The following CASK variants were observed in gnomAD, a reference collection of about 807,000 sequenced individuals.
CASK encodes calcium/calmodulin dependent serine protein kinase.
Under a neutral mutation model 82.9 loss-of-function variants are expected in CASK, and 4 were observed. The observed-to-expected ratio is 0.05, with a 90% CI of 0.02 to 0.11. The LOEUF is 0.11. CASK is among the 10% of genes least tolerant of loss of function. The pLI, the probability that CASK is intolerant of heterozygous loss-of-function variation, is 1.00. For synonymous variants in CASK, 259 were observed against 253.5 expected (o/e 1.02, Z -0.20); for missense variants, 358 against 720.9 (o/e 0.50, Z 5.76).
rs780614037 is a variant in CASK at position 41,850,210 on chromosome X, G to A, written c.172+2905C>T. On this transcript the variant is annotated intron_variant, in intron 2 of 26. Transcript: ENST00000378163. Reference sequence around the variant, plus strand: ...AATTAATTTGTAAATGATTTACTTCGAATTTATTACACATTGTTTTCCTAA... The same window carrying A: ...AATTAATTTGTAAATGATTTACTTCAAATTTATTACACATTGTTTTCCTAA... Among the ~76,000 whole-genome samples, 18 of 111,885 alleles carry A rather than the reference G, an allele frequency of 1.6e-4. No homozygotes were observed. In the South Asian group the frequency reaches 1.9e-3, roughly 12 times the overall value.
chrX:41,747,331 C>T (rs2068703476), intron 3 of CASK, among the ~76,000 whole-genome samples: 4 of 111,428 alleles, frequency 3.6e-5, no homozygotes, highest in Admixed American at 1.9e-4. Context: ...CATTTTCCAC[C>T]ATCAGAAATA....
chrX:41,907,761 A>G (rs1403212850), intron 1 of CASK, among the ~76,000 whole-genome samples: 3 of 111,366 alleles, frequency 2.7e-5, no homozygotes, highest in Non-Finnish European at 5.7e-5. Flanking sequence ...AGTGGTACCT[A>G]ACCTTTTTGG....
intron 15 of CASK, among the ~76,000 whole-genome samples, chrX:41,574,070 G>T (rs1192712360): frequency 9.0e-6 from 1 of 111,045 alleles, no homozygotes; most frequent in Non-Finnish European, 1.9e-5. Context: ...GTTTCTCAGT[G>T]TTGGGGAATT....
At chrX:41,689,626 T>G (rs1298115577) in intron 5 of CASK, 1 of 111,835 alleles carries the variant, frequency 8.9e-6, no homozygotes, top group East Asian at 2.8e-4. Flanking sequence ...TTAGTTCAAA[T>G]AATAATTTTT....
Position 41,603,461 on chromosome X carries a change from T to TA in CASK, c.1155+6442dup, listed in dbSNP as rs768084163. Among the ~76,000 whole-genome samples the TA allele has an allele frequency of 3.7e-3, 415 of 111,974 alleles. 2 individuals carry two copies. The highest frequency in any genetic ancestry group is 0.013 in the African/African-American group (402 of 30,896). The stretch of plus-strand genomic sequence containing the variant: ...AAAAATGCTAACTCTCCCTAAACGG[T>TA]AAAAAATTATAATAAAGATGTTGGC... On this transcript the variant is annotated intron_variant, in intron 12 of 26. Transcript: ENST00000378163.
chrX:41,880,655 A>T (rs2071934092), intron 1 of CASK, among the ~76,000 whole-genome samples: 1 of 111,954 alleles, frequency 8.9e-6, no homozygotes, highest in Non-Finnish European at 1.9e-5. Flanking sequence ...ATGTATTTCT[A>T]CAACACTCAA....
At chrX:41,827,562 C>T (rs754432600) in intron 2 of CASK, among the ~76,000 whole-genome samples, 38 of 112,114 alleles carry the variant, frequency 3.4e-4, no homozygotes, top group African/African-American at 1.2e-3. Context: ...AATACCATCA[C>T]CTCGACAATT....
chrX:41,830,778 C>A (rs1288190943), intron 2 of CASK, among the ~76,000 whole-genome samples: 1 of 100,433 alleles, frequency 1.0e-5, no homozygotes, highest in African/African-American at 3.7e-5. Context: ...CGAGATCGCG[C>A]CACTGCACTC....
chrX:41,923,310 C>G lies in CASK; in HGVS notation c.-322G>C, dbSNP rs1245057068. 1 of 108,305 alleles carries G rather than the reference C, an allele frequency of 9.2e-6. No homozygotes were observed. The highest frequency in any genetic ancestry group is 1.9e-5 in the Non-Finnish European group (1 of 51,558). The allele number at this position is 108,305 out of a possible 1,213,427, so 8.9% of individuals were successfully genotyped here. On this transcript the variant is annotated 5_prime_UTR_variant, in exon 1 of 27. Coordinates refer to ENST00000378163, the MANE Select transcript of CASK (RefSeq NM_001367721.1). ...GATCCTCGGGGACCGCGCGGCGTCG[C>G]GCTCTCCGCTCGTCAGCCCGCGCGG...
intron 3 of CASK, among the ~76,000 whole-genome samples, chrX:41,758,435 CAAAAAAAA>C (rs746659684): frequency 6.9e-5 from 3 of 43,510 alleles, no homozygotes; most frequent in African/African-American, 3.0e-4. Context: ...GACTTCATCT[CAAAAAAAA>C]AAAAAAAAAG....
chrX:41,683,970 A>G (rs775163090), intron 5 of CASK, among the ~76,000 whole-genome samples: 2 of 112,210 alleles, frequency 1.8e-5, no homozygotes, highest in Non-Finnish European at 3.8e-5. Context: ...TACTGGGTAA[A>G]GAATCCATGA....
chrX:41,668,177 C>T (rs1415140247), intron 6 of CASK, among the ~76,000 whole-genome samples: 2 of 111,249 alleles, frequency 1.8e-5, no homozygotes, highest in Non-Finnish European at 3.8e-5. Flanking sequence ...GATGTAAGTC[C>T]CTGCATCCAA....
chrX:41,710,286 T>C (rs2067951992), intron 5 of CASK, among the ~76,000 whole-genome samples: 1 of 111,511 alleles, frequency 9.0e-6, no homozygotes, highest in South Asian at 3.7e-4. Context: ...CAAGTTTGAC[T>C]GATTTGAAGA....
rs185615860 is a variant in CASK, at chrX:41,892,183, A to G, written c.59+30747T>C. 2.1e-3 allele frequency among the ~76,000 whole-genome samples: 229 copies of G among 107,698 alleles called. 1 individual carries two copies. Among genetic ancestry groups the G allele is most frequent in the African/African-American group, 7.4e-3 (219 of 29,464 alleles). 93.5% of individuals were successfully genotyped at this position (107,698 alleles called of 115,157 possible). A position where few individuals can be genotyped will look rare whatever the true frequency, so the allele number is the denominator to read the frequency against. On this transcript the variant is annotated intron_variant, in intron 1 of 26. Coordinates refer to ENST00000378163, the MANE Select transcript of CASK (RefSeq NM_001367721.1). Reference sequence around the variant, plus strand: ...ACTCCAGCCTGGGTGACAGACTGAGACCCTGTCTCAAAAAAAGACACAAAA... The same window carrying G: ...ACTCCAGCCTGGGTGACAGACTGAGGCCCTGTCTCAAAAAAAGACACAAAA...
intron 1 of CASK, among the ~76,000 whole-genome samples, chrX:41,856,029 A>T (rs950092526): frequency 1.8e-5 from 2 of 112,284 alleles, no homozygotes; most frequent in African/African-American, 6.5e-5. Context: ...AAAGAATTCA[A>T]TTATGTCCCT....
chrX:41,817,485 CAGAG>C (rs1234708472), intron 2 of CASK, among the ~76,000 whole-genome samples: 1 of 111,520 alleles, frequency 9.0e-6, no homozygotes, highest in African/African-American at 3.3e-5. Context: ...TGGAGAAAAT[CAGAG>C]AGAGTCTACA....
At chrX:41,858,928 C>T (rs1258891230) in intron 1 of CASK, among the ~76,000 whole-genome samples, 1 of 110,232 alleles carries the variant, frequency 9.1e-6, no homozygotes, top group Non-Finnish European at 1.9e-5. Context: ...GAAGGCACTT[C>T]AAAAAAACAC....
intron 2 of CASK, among the ~76,000 whole-genome samples, chrX:41,807,685 C>T (rs1033449236): frequency 9.0e-6 from 1 of 110,695 alleles, no homozygotes; most frequent in Non-Finnish European, 1.9e-5. Flanking sequence ...TAAGGTTCGT[C>T]CCATTGCAGA....
intron 1 of CASK, among the ~76,000 whole-genome samples, chrX:41,884,710 C>G (rs1357009141): frequency 9.0e-6 from 1 of 111,583 alleles, no homozygotes; most frequent in East Asian, 2.8e-4. Context: ...AGGTCTTACT[C>G]AGCTGACAGG....
Sources: gnomAD v4.1 joint callset for allele counts (sites outside exome capture counted in the v4.1 genomes callset) on GRCh38, gnomAD v4.1.1 for gene constraint, MANE v1.5 for transcripts, NCBI Gene and HGNC (gene_info 2026-07-23, HGNC 2026-07-21) for gene names.